TMEM108: variants seen among roughly 807,000 people sequenced by gnomAD.
TMEM108 encodes the protein transmembrane protein 108.
TMEM108 carries 12 observed loss-of-function variants against 35.1 expected under a neutral mutation model. The observed-to-expected ratio is 0.34, with a 90% CI of 0.22 to 0.55. TMEM108 has a LOEUF of 0.55. TMEM108 is among the 20% of genes least tolerant of loss of function. The probability of loss-of-function intolerance (pLI) is 0.89; values close to 1 mark genes in which losing one functional copy is unlikely to be tolerated. For missense variants in TMEM108, 680 were observed against 753.3 expected (o/e 0.90, Z 1.14); for synonymous variants, 287 against 308.6 (o/e 0.93, Z 0.73).
intron 3 of TMEM108, among the ~76,000 whole-genome samples, chr3:133,316,809 G>A (rs765346420): frequency 1.7e-4 from 26 of 152,328 alleles, no homozygotes; most frequent in Non-Finnish European, 3.2e-4. Context: ...ACCTCAGGGT[G>A]AGCTGAAGAA....
chr3:133,167,882 GGGCACCGAGGCTGAGGA>G (rs1207515163), intron 2 of TMEM108, among the ~76,000 whole-genome samples: 3 of 152,164 alleles, frequency 2.0e-5, no homozygotes, highest in Non-Finnish European at 4.4e-5. Flanking sequence ...TGGCCAGAGT[GGGCACCGAGGCTGAGGA>G]GGCACCGAGA....
At chr3:133,234,459 T>C (rs1175448112) in intron 3 of TMEM108, among the ~76,000 whole-genome samples, 2 of 152,278 alleles carry the variant, frequency 1.3e-5, no homozygotes, top group East Asian at 3.9e-4. Context: ...CGCACATCAA[T>C]AAATGTAATC....
At chr3:133,245,798 G>A (rs985461485) in intron 3 of TMEM108, among the ~76,000 whole-genome samples, 1 of 152,056 alleles carries the variant, frequency 6.6e-6, no homozygotes, top group Non-Finnish European at 1.5e-5. Flanking sequence ...TAGAACACAA[G>A]GCACATATGT....
chr3:133,396,072 G>T lies in TMEM108; in HGVS notation c.*86G>T. On this transcript the variant is annotated 3_prime_UTR_variant, in exon 6 of 6. Coordinates refer to ENST00000321871, the MANE Select transcript of TMEM108 (RefSeq NM_023943.4). Reference sequence around the variant, plus strand: ...TACATATATTATAAATATAACCTTTGTGTAACCCTGACTTAATGAGAAACA... The same window carrying T: ...TACATATATTATAAATATAACCTTTTTGTAACCCTGACTTAATGAGAAACA... 1 of 1,003,346 alleles carries T rather than the reference G, an allele frequency of 1.0e-6. No individual in the cohort carries two copies. The allele number at this position is 1,003,346 out of a possible 1,614,324, so 62.2% of individuals were successfully genotyped here.
chr3:133,239,952 ACTGGAAGTTAGTTTTTACT>A (rs1313932107), intron 3 of TMEM108, among the ~76,000 whole-genome samples: 1 of 152,196 alleles, frequency 6.6e-6, no homozygotes, highest in African/African-American at 2.4e-5. Flanking sequence ...TTCAGGATGT[ACTGGAAGTTAGTTTTTACT>A]CTGTTTTAAG....
intron 3 of TMEM108, among the ~76,000 whole-genome samples, chr3:133,283,170 G>A (rs1288262226): frequency 6.6e-6 from 1 of 152,152 alleles, no homozygotes; most frequent in Non-Finnish European, 1.5e-5. Context: ...TTTTTAAATA[G>A]GATTTTTGTA....
chr3:133,314,087 A>G (rs2071167657), intron 3 of TMEM108, among the ~76,000 whole-genome samples: 1 of 152,144 alleles, frequency 6.6e-6, no homozygotes, highest in South Asian at 2.1e-4. Flanking sequence ...ATGCTTGTTC[A>G]TGAATAAATG....
At chr3:133,378,803 CTTTTTTTTT>C (rs34139600) in intron 3 of TMEM108, among the ~76,000 whole-genome samples, 1 of 134,424 alleles carries the variant, frequency 7.4e-6, no homozygotes, top group Non-Finnish European at 1.6e-5. Flanking sequence ...ATACAAAATC[CTTTTTTTTT>C]TTTTTTTTTT....
intron 3 of TMEM108, among the ~76,000 whole-genome samples, chr3:133,254,538 G>A (rs1056312274): frequency 1.3e-5 from 2 of 152,222 alleles, no homozygotes; most frequent in Middle Eastern, 3.4e-3. Flanking sequence ...AACGTCAGTC[G>A]AATATGTGAT....
At chr3:133,136,136 G>A (rs927710892) in intron 2 of TMEM108, among the ~76,000 whole-genome samples, 2 of 152,186 alleles carry the variant, frequency 1.3e-5, no homozygotes, top group African/African-American at 2.4e-5. Flanking sequence ...TAGTTGGGGT[G>A]CAGTTACATT....
intron 2 of TMEM108, among the ~76,000 whole-genome samples, chr3:133,073,510 C>CTCTCTCTCTCTCTCTATATA: frequency 2.6e-3 from 112 of 43,866 alleles, no homozygotes; most frequent in Admixed American, 5.6e-3. Context: ...CTCTCTCTCT[C>CTCTCTCTCTCTCTCTATATA]TATATATATA....
chr3:133,336,105 C>G (rs1405069975), intron 3 of TMEM108, among the ~76,000 whole-genome samples: 1 of 152,122 alleles, frequency 6.6e-6, no homozygotes, highest in Non-Finnish European at 1.5e-5. Flanking sequence ...CCTTTGGGCC[C>G]TAAATAAACT....
chr3:133,180,150 C>G (rs1484793619), intron 2 of TMEM108, among the ~76,000 whole-genome samples: 1 of 151,906 alleles, frequency 6.6e-6, no homozygotes, highest in Non-Finnish European at 1.5e-5. Flanking sequence ...GCTCTTTTAT[C>G]AAAAGGGAAA....
intron 3 of TMEM108, among the ~76,000 whole-genome samples, chr3:133,275,729 A>G (rs1375437539): frequency 6.6e-6 from 1 of 152,224 alleles, no homozygotes; most frequent in Non-Finnish European, 1.5e-5. Flanking sequence ...TCTGTAGCAA[A>G]AAGTATGACA....
intron 2 of TMEM108, among the ~76,000 whole-genome samples, chr3:133,210,925 T>G (rs956283170): frequency 1.3e-5 from 2 of 152,148 alleles, no homozygotes; most frequent in Non-Finnish European, 1.5e-5. Flanking sequence ...TTTTGAAAGA[T>G]TAAACCAGAA....
chr3:133,045,814 T>G (rs1943333446), intron 1 of TMEM108, 88 bp from the exon 2 acceptor site: 1 of 152,688 alleles, frequency 6.5e-6, no homozygotes, highest in Non-Finnish European at 1.5e-5. Flanking sequence ...GGGTAAGCAC[T>G]TAGTCTACTC....
intron 2 of TMEM108, among the ~76,000 whole-genome samples, chr3:133,171,979 G>C (rs1214323783): frequency 6.6e-6 from 1 of 152,144 alleles, no homozygotes; most frequent in Non-Finnish European, 1.5e-5. Context: ...GGTGTGAAAA[G>C]TTCCCATGAT....
intron 3 of TMEM108, among the ~76,000 whole-genome samples, chr3:133,375,504 GCAGT>G (rs2072809863): frequency 6.6e-6 from 1 of 152,332 alleles, no homozygotes; most frequent in East Asian, 1.9e-4. Context: ...ATGCAAAGAG[GCAGT>G]AGCCTCAGAT....
At chr3:133,361,389 A>G (rs774146963) in intron 3 of TMEM108, among the ~76,000 whole-genome samples, 12 of 152,246 alleles carry the variant, frequency 7.9e-5, no homozygotes, top group Admixed American at 1.3e-4. Context: ...TAAGATAACT[A>G]TGATCATAAT....
Sources: allele counts gnomAD v4.1 joint callset (sites outside exome capture counted in the v4.1 genomes callset), GRCh38; gene constraint gnomAD v4.1.1; transcripts MANE v1.5; gene names NCBI Gene and HGNC (gene_info 2026-07-23, HGNC 2026-07-21).